CROCC: variants seen among roughly 807,000 people sequenced by gnomAD.
CROCC encodes the protein rootletin.
Under a neutral mutation model 245.2 loss-of-function variants are expected in CROCC, and 180 were observed. The observed-to-expected ratio is 0.73, with a 90% CI of 0.65 to 0.83. CROCC has a LOEUF of 0.83. CROCC is among the 40% of genes least tolerant of loss of function. The pLI, the probability that CROCC is intolerant of heterozygous loss-of-function variation, is 0.00. For missense variants in CROCC, 2,688 were observed against 2,779.4 expected, an observed-to-expected ratio of 0.97 and a Z score of 0.74; for synonymous variants, 1,205 against 1,241.6, an observed-to-expected ratio of 0.97 and a Z score of 0.62.
rs1031517817 is a variant in CROCC, at chr1:16,972,641, T to C, written c.*195T>C. ...AGAGGCTTCCCAGCAACACCTGCAG[T>C]CCAGCCCCCCTCTTCTAGGATGAGC... On this transcript the variant is annotated 3_prime_UTR_variant, in exon 37 of 37. Transcript: ENST00000375541. 3.5e-5 allele frequency: 18 copies of C among 517,716 alleles called. No individual in the cohort carries two copies. The South Asian group carries it at 4.9e-4, about 14-fold the overall frequency. The allele number at this position is 517,716 out of a possible 1,614,324, so 32.1% of individuals were successfully genotyped here. A position where few individuals can be genotyped will look rare whatever the true frequency, so the allele number is the denominator to read the frequency against.
chr1:16,970,252 G>A lies in CROCC; in HGVS notation c.5452-1G>A. The stretch of plus-strand genomic sequence containing the variant: ...CGGGGCCTGCCTGGCTTCTGTTGCA[G>A]GTGCTGCGGCAGCGGCAGGAGGGTG... On this transcript the variant is annotated splice_acceptor_variant, in intron 33 of 36. Coordinates refer to ENST00000375541, the MANE Select transcript of CROCC (RefSeq NM_014675.5). LOFTEE classifies it high-confidence loss of function. 6.5e-7 allele frequency: 1 copy of A among 1,550,064 alleles called. No homozygotes were observed.
At position 16,936,685 on chromosome 1, in the gene CROCC, C is replaced by A. The variant is rs766843398; in HGVS notation, c.1005C>A (p.Val335=). The change falls in exon 9 of 37, where the codon GTC becomes GTA. Residue 335 remains valine (V), a synonymous_variant. Transcript: ENST00000375541. The part of the protein sequence containing the change: ...GGELARTSRA[V]QEAGLGLSTG... Reference sequence around the variant, plus strand: ...AGCTGGCCCGGACATCACGAGCTGTCCAGGAGGCGGGCCTGGGACTGAGCA... The same window carrying A: ...AGCTGGCCCGGACATCACGAGCTGTACAGGAGGCGGGCCTGGGACTGAGCA... The A allele has an allele frequency of 7.5e-6, 12 of 1,602,320 alleles. No individual in the cohort carries two copies. The highest frequency in any genetic ancestry group is 1.0e-5 in the Non-Finnish European group (12 of 1,175,140).
At chr1:16,959,712 G>A (rs1485147748) in intron 26 of CROCC, among the ~76,000 whole-genome samples, 1 of 152,134 alleles carries the variant, frequency 6.6e-6, no homozygotes, top group Non-Finnish European at 1.5e-5. Flanking sequence ...CCCATTGTGT[G>A]CAAATTTATT....
intron 19 of CROCC, among the ~76,000 whole-genome samples, chr1:16,949,247 G>T (rs1325905261): frequency 2.0e-5 from 3 of 152,264 alleles, no homozygotes; most frequent in East Asian, 3.9e-4. Flanking sequence ...CGGTCATCAG[G>T]CCTGTTAGTC....
At chr1:16,944,033 G>T (rs1007621107) in intron 13 of CROCC, 67 bp from the exon 14 acceptor site, 3 of 1,419,994 alleles carry the variant, frequency 2.1e-6, no homozygotes, top group Non-Finnish European at 2.8e-6. Context: ...TAGAGGAGCA[G>T]CCAGCCACCT....
chr1:16,958,349 C>A (rs2076279474), intron 25 of CROCC, among the ~76,000 whole-genome samples: 1 of 152,192 alleles, frequency 6.6e-6, no homozygotes, highest in Non-Finnish European at 1.5e-5. Flanking sequence ...TTATACCCAC[C>A]CCTTTATGAA....
chr1:16,970,780 C>G lies in CROCC; in HGVS notation c.5784+13C>G. On this transcript the variant is annotated intron_variant, in intron 35 of 36. Coordinates refer to ENST00000375541, the MANE Select transcript of CROCC (RefSeq NM_014675.5). ...CCAGCAGCTGGAGGTCTGACCCCACCCAGTCCGGGACCCCAACTTCATCCC... is the reference window on the plus strand; with the variant it reads ...CCAGCAGCTGGAGGTCTGACCCCACGCAGTCCGGGACCCCAACTTCATCCC... 6.4e-7 allele frequency: 1 copy of G among 1,562,884 alleles called. No individual in the cohort carries two copies. Among genetic ancestry groups the G allele is most frequent in the South Asian group, 1.2e-5 (1 of 82,486 alleles).
rs761848310 is a variant in CROCC at position 16,970,431 on chromosome 1, C to T, written c.5630C>T (p.Ala1877Val). 1.3e-6 allele frequency: 2 copies of T among 1,596,408 alleles called. No individual in the cohort carries two copies. Among genetic ancestry groups the T allele is most frequent in the East Asian group, 2.3e-5 (1 of 44,330 alleles). ...SALRLEKDRV[A>V]LRRTLDKVER... ...CTGCGGCTGGAGAAGGACCGTGTAG[C>T]CCTCAGGAGGACGCTGGACAAGGTA... Residue 1877 changes from alanine (A) to valine (V), a missense_variant, in exon 34 of 37, where the codon GCC becomes GTC. By Grantham distance (64) the Ala-to-Val change is moderately conservative. Coordinates refer to ENST00000375541, the MANE Select transcript of CROCC (RefSeq NM_014675.5).
rs1181351891 is a variant in CROCC at position 16,928,254 on chromosome 1, C to T, written c.352-1592C>T. ...TGGGGTGTTGTCGCTGCCAGGTGCC[C>T]TTGACCCACTGTGTGCTCTCCCACT... On this transcript the variant is annotated intron_variant, in intron 3 of 36. Transcript: ENST00000375541. Among the ~76,000 whole-genome samples, 3 of 152,268 alleles carry T rather than the reference C, an allele frequency of 2.0e-5. No individual in the cohort carries two copies. The East Asian group carries it at 5.8e-4, about 29-fold the overall frequency.
Position 16,914,089 on chromosome 1 carries a change from C to A in CROCC, n.126-16197C>A, listed in dbSNP as rs1356014224. On this transcript the variant is annotated intron_variant and non_coding_transcript_variant, in intron 1 of 8. Transcript: ENST00000466256. ...CCGTGGCGGGGACGCCCCGCCCGGT[C>A]CGGCCCGCTCGGCCTCGGCAGCAGC... Among the ~76,000 whole-genome samples the A allele has an allele frequency of 5.3e-5, 8 of 151,594 alleles. No individual in the cohort carries two copies. The Middle Eastern group carries it at 0.01, about 195-fold the overall frequency.
intron 31 of CROCC, 87 bp from the exon 32 acceptor site, chr1:16,969,029 G>A (rs764197059): frequency 6.4e-6 from 8 of 1,258,864 alleles, no homozygotes; most frequent in Non-Finnish European, 9.1e-6. Flanking sequence ...GTGTGGATTG[G>A]GCATGCCAGG....
chr1:16,968,244 G>T lies in CROCC; in HGVS notation c.4902G>T (p.Glu1634Asp). 6.4e-7 allele frequency: 1 copy of T among 1,568,734 alleles called. No homozygotes were observed. ...TGAAGGCCAATGAGACAAAGCTGGA[G>T]GGCGACAAGCGGCGCCTGAAGGAGG... ...SKMKANETKL[E>D]GDKRRLKEVL... Residue 1634 changes from glutamate (E) to aspartate (D), a missense_variant, in exon 31 of 37, where the codon GAG becomes GAT. Coordinates refer to ENST00000375541, the MANE Select transcript of CROCC (RefSeq NM_014675.5).
At position 16,958,705 on chromosome 1, in the gene CROCC, G is replaced by A; in HGVS notation, c.3987G>A (p.Gln1329=). 1 of 1,561,496 alleles carries A rather than the reference G, an allele frequency of 6.4e-7. No individual in the cohort carries two copies. Among genetic ancestry groups the A allele is most frequent in the Non-Finnish European group, 8.7e-7 (1 of 1,153,736 alleles). ...ESRRETLGLR[Q]RLLKGEASLE... Reference sequence around the variant, plus strand: ...GGCGGGAGACCCTGGGCCTCCGGCAGAGGCTGCTGAAGGGCGAGGCCAGCC... The same window carrying A: ...GGCGGGAGACCCTGGGCCTCCGGCAAAGGCTGCTGAAGGGCGAGGCCAGCC... The change falls in exon 26 of 37, where the codon CAG becomes CAA. Residue 1329 remains glutamine (Q), a synonymous_variant. Transcript: ENST00000375541.
In CROCC at chr1:16,956,008, C is replaced by T; in HGVS notation, c.3716C>T (p.Ala1239Val). The T allele has an allele frequency of 6.4e-7, 1 of 1,550,588 alleles. No individual in the cohort carries two copies. ...TCTGCCCTCTCCAGCCTGAAGCTTG[C>T]CAATGAGGACAAGGAGCAGAAGCTG... Reference protein sequence around the residue: ...AESERISLKLANEDKEQKLAL... With the variant: ...AESERISLKLVNEDKEQKLAL... Residue 1239 changes from alanine (A) to valine (V), a missense_variant, in exon 25 of 37, where the codon GCC becomes GTC. Coordinates refer to ENST00000375541, the MANE Select transcript of CROCC (RefSeq NM_014675.5).
chr1:16,952,968 T>C (rs1449595583), intron 20 of CROCC: 4 of 253,152 alleles, frequency 1.6e-5, no homozygotes, highest in East Asian at 8.1e-5. Flanking sequence ...ACTCACCATG[T>C]CCCGTTCCCC....
At position 16,969,843 on chromosome 1, in the gene CROCC, T is replaced by C. The variant is rs766946291; in HGVS notation, c.5360T>C (p.Leu1787Pro). The part of the protein sequence containing the change: ...LSEARKQSSS[L>P]GEQVQTLRGE... ...GAGGCACGGAAGCAGAGCAGCTCCC[T>C]GGGCGAGCAGGTGCAGACGTTGCGA... Residue 1787 changes from leucine to proline, a missense_variant, in exon 33 of 37, where the codon CTG becomes CCG. Physicochemically the swap from Leu to Pro is moderately conservative, Grantham distance 98. Coordinates refer to ENST00000375541, the MANE Select transcript of CROCC (RefSeq NM_014675.5). 28 of 1,613,134 alleles carry C rather than the reference T, an allele frequency of 1.7e-5. No individual in the cohort carries two copies. The South Asian group carries it at 3.0e-4, about 17-fold the overall frequency.
At chr1:16,916,517 GTTTA>G (rs2075306145) in intron 1 of CROCC, among the ~76,000 whole-genome samples, 1 of 152,250 alleles carries the variant, frequency 6.6e-6, no homozygotes, top group Non-Finnish European at 1.5e-5. Context: ...TACTGTTTTT[GTTTA>G]TTTGAGACAG....
chr1:16,942,846 C>T (rs1426361242), intron 13 of CROCC, among the ~76,000 whole-genome samples: 1 of 152,292 alleles, frequency 6.6e-6, no homozygotes, highest in Non-Finnish European at 1.5e-5. Flanking sequence ...TGGCTCACAC[C>T]TGTAATCCCA....
At chr1:16,928,469 C>A (rs1342439360) in intron 3 of CROCC, among the ~76,000 whole-genome samples, 2 of 152,030 alleles carry the variant, frequency 1.3e-5, no homozygotes, top group African/African-American at 4.8e-5. Flanking sequence ...GCAACAGAGG[C>A]TTTCCTGCAG....
Sources: gnomAD v4.1 joint callset for allele counts (sites outside exome capture counted in the v4.1 genomes callset) on GRCh38, gnomAD v4.1.1 for gene constraint, MANE v1.5 for transcripts, NCBI Gene and HGNC (gene_info 2026-07-23, HGNC 2026-07-21) for gene names.